The following CAPN9 variants were observed in gnomAD, a reference collection of about 807,000 sequenced individuals.
CAPN9 encodes the protein calpain 9, also known as calpain-9.
Under a neutral mutation model 92.8 loss-of-function variants are expected in CAPN9, and 81 were observed. The ratio of observed to expected loss-of-function variants is 0.87; its 90% confidence interval spans 0.73 to 1.05. The LOEUF (loss-of-function observed/expected upper bound fraction) is 1.05. CAPN9 is among the 50% of genes least tolerant of loss of function. The pLI is 0.00. For synonymous variants in CAPN9, 304 were observed against 328.0 expected (o/e 0.93, Z 0.79); for missense variants, 848 against 866.2 (o/e 0.98, Z 0.26).
intron 4 of CAPN9, among the ~76,000 whole-genome samples, chr1:230,765,067 G>A (rs1665885263): frequency 6.6e-6 from 1 of 152,102 alleles, no homozygotes; most frequent in African/African-American, 2.4e-5. Flanking sequence ...TTCAATCAAA[G>A]GAACTGGGGC....
chr1:230,758,993 G>A (rs1390677929), intron 2 of CAPN9, among the ~76,000 whole-genome samples: 1 of 152,216 alleles, frequency 6.6e-6, no homozygotes, highest in Non-Finnish European at 1.5e-5. Flanking sequence ...AAGTTCAGTA[G>A]GTCAGTCAAT....
intron 17 of CAPN9, 53 bp from the exon 18 acceptor site, chr1:230,795,110 C>A: frequency 1.7e-6 from 2 of 1,150,678 alleles, no homozygotes; most frequent in South Asian, 1.2e-5. Context: ...GGTGCAGACT[C>A]ACCTCGGGGC....
chr1:230,766,005 G>A (rs892591933), intron 4 of CAPN9, among the ~76,000 whole-genome samples: 2 of 152,256 alleles, frequency 1.3e-5, no homozygotes, highest in East Asian at 1.9e-4. Flanking sequence ...GCATGTGGAC[G>A]GCAGGTACTC....
At chr1:230,772,744 CTT>C (rs10602900) in intron 7 of CAPN9, among the ~76,000 whole-genome samples, 5,581 of 138,752 alleles carry the variant, frequency 0.04, 249 homozygotes, top group African/African-American at 0.12. Context: ...GACCCCATCT[CTT>C]TTTTTTTTTT....
chr1:230,748,818 A>AT (rs919822886), intron 1 of CAPN9, among the ~76,000 whole-genome samples: 2 of 151,962 alleles, frequency 1.3e-5, no homozygotes, highest in South Asian at 2.1e-4. Context: ...ATTAAAAACA[A>AT]TTTTTTTTAA....
At chr1:230,757,095 G>A (rs1665283213) in intron 2 of CAPN9, among the ~76,000 whole-genome samples, 1 of 152,002 alleles carries the variant, frequency 6.6e-6, no homozygotes, top group Non-Finnish European at 1.5e-5. Flanking sequence ...TCCAGGATTT[G>A]AAACCCGCAT....
chr1:230,785,507 C>T (rs187548558), intron 11 of CAPN9, among the ~76,000 whole-genome samples: 3 of 152,200 alleles, frequency 2.0e-5, no homozygotes, highest in South Asian at 2.1e-4. Flanking sequence ...TGAGTTTGCA[C>T]GAGATCTGGT....
chr1:230,769,059 G>A, intron 5 of CAPN9, 121 bp from the exon 6 acceptor site: 1 of 763,824 alleles, frequency 1.3e-6, no homozygotes, highest in Non-Finnish European at 2.3e-6. Context: ...CACATGGCCT[G>A]CACCTGGGGC....
intron 14 of CAPN9, among the ~76,000 whole-genome samples, chr1:230,790,789 C>A (rs1490426742): frequency 6.6e-6 from 1 of 152,106 alleles, no homozygotes; most frequent in Non-Finnish European, 1.5e-5. Flanking sequence ...AAAATAAACA[C>A]ACACACACAC....
chr1:230,774,842 A>C (rs1021232348), intron 8 of CAPN9, among the ~76,000 whole-genome samples: 1 of 149,960 alleles, frequency 6.7e-6, no homozygotes, highest in African/African-American at 2.5e-5. Context: ...CCCAGGTTCA[A>C]GTGATACTCC....
chr1:230,790,857 A>G (rs1168813563), intron 14 of CAPN9, among the ~76,000 whole-genome samples: 1 of 152,206 alleles, frequency 6.6e-6, no homozygotes, highest in Non-Finnish European at 1.5e-5. Context: ...AAGCTGTGGC[A>G]GGAGAATTGC....
At position 230,801,680 on chromosome 1, in the gene CAPN9, A is replaced by G. The variant is rs967858034; in HGVS notation, c.*84A>G. ...TCAGAACTTCTCTTGGTGTGGAACCATTACGCCCAGGGTTCACTCCCCTCT... is the reference window on the plus strand; with the variant it reads ...TCAGAACTTCTCTTGGTGTGGAACCGTTACGCCCAGGGTTCACTCCCCTCT... On this transcript the variant is annotated 3_prime_UTR_variant, in exon 20 of 20. Coordinates refer to ENST00000271971, the MANE Select transcript of CAPN9 (RefSeq NM_006615.3). 1.7e-5 allele frequency: 22 copies of G among 1,267,760 alleles called. No homozygotes were observed. Among genetic ancestry groups the G allele is most frequent in the African/African-American group, 4.4e-5 (3 of 67,998 alleles). The allele number at this position is 1,267,760 out of a possible 1,614,324, so 78.5% of individuals were successfully genotyped here. A position where few individuals can be genotyped will look rare whatever the true frequency, so the allele number is the denominator to read the frequency against.
intron 9 of CAPN9, 78 bp from the exon 10 acceptor site, chr1:230,780,101 T>C: frequency 1.1e-6 from 1 of 911,086 alleles, no homozygotes; most frequent in South Asian, 1.6e-5. Context: ...TGTGTGTGTG[T>C]GTGTGTGTGT....
At chr1:230,798,594 A>C (rs1668493658) in intron 19 of CAPN9, among the ~76,000 whole-genome samples, 2 of 152,046 alleles carry the variant, frequency 1.3e-5, no homozygotes, top group African/African-American at 4.8e-5. Flanking sequence ...TCCCTTGCTC[A>C]TGTTGTCCCG....
At chr1:230,757,897 C>T (rs1310397105) in intron 2 of CAPN9, among the ~76,000 whole-genome samples, 1 of 151,914 alleles carries the variant, frequency 6.6e-6, no homozygotes, top group African/African-American at 2.4e-5. Flanking sequence ...ACCCAAGAGG[C>T]ACAGCGTTCC....
At chr1:230,768,904 A>G (rs754117032) in intron 5 of CAPN9, among the ~76,000 whole-genome samples, 1 of 152,204 alleles carries the variant, frequency 6.6e-6, no homozygotes, top group Non-Finnish European at 1.5e-5. Flanking sequence ...CATGAAGGTG[A>G]CAAGTTGTTC....
Position 230,779,011 on chromosome 1 carries a change from T to C in CAPN9, c.992T>C (p.Val331Ala), listed in dbSNP as rs745922166. The change falls in exon 9 of 20, where the codon GTG becomes GCG. Residue 331 changes from valine (V) to alanine (A), a missense_variant. Transcript: ENST00000271971. ...GACTTCAAGGCCCACTTTGATAAAGTGGAGATCTGCAACCTCACTCCCGAT... is the reference window on the plus strand; with the variant it reads ...GACTTCAAGGCCCACTTTGATAAAGCGGAGATCTGCAACCTCACTCCCGAT... Reference protein sequence around the residue: ...FKDFKAHFDKVEICNLTPDAL... With the variant: ...FKDFKAHFDKAEICNLTPDAL... 114 of 1,613,740 alleles carry C rather than the reference T, an allele frequency of 7.1e-5. No individual in the cohort carries two copies. Among genetic ancestry groups the C allele is most frequent in the Middle Eastern group, 1.7e-4 (1 of 5,980 alleles).
rs778638122 is a variant in CAPN9 at position 230,747,678 on chromosome 1, C to T, written c.182C>T (p.Pro61Leu). 7.4e-6 allele frequency: 12 copies of T among 1,614,024 alleles called. No individual in the cohort carries two copies. The highest frequency in any genetic ancestry group is 2.2e-5 in the East Asian group (1 of 44,888). ...TCCTCCCTGTTCTACAGTGAGAGGC[C>T]GCAGATCCCCTTTGTGTGGAAACGA... Reference protein sequence around the residue: ...SNSSLFYSERPQIPFVWKRPG... With the variant: ...SNSSLFYSERLQIPFVWKRPG... The change falls in exon 1 of 20, where the codon CCG becomes CTG. Residue 61 changes from proline to leucine, a missense_variant. Coordinates refer to ENST00000271971, the MANE Select transcript of CAPN9 (RefSeq NM_006615.3).
intron 17 of CAPN9, among the ~76,000 whole-genome samples, chr1:230,793,742 G>A (rs1668162125): frequency 1.3e-5 from 2 of 152,204 alleles, no homozygotes; most frequent in Admixed American, 6.5e-5. Context: ...GGACCATCTC[G>A]GGTCCTATGT....
Sources: allele counts gnomAD v4.1 joint callset (sites outside exome capture counted in the v4.1 genomes callset), GRCh38; gene constraint gnomAD v4.1.1; transcripts MANE v1.5; gene names NCBI Gene and HGNC (gene_info 2026-07-23, HGNC 2026-07-21).